Variants in DIAPH3 observed in about 807,000 individuals in gnomAD.
DIAPH3 encodes the protein protein diaphanous homolog 3.
DIAPH3 carries 117 observed loss-of-function variants against 144.3 expected under a neutral mutation model. That is an observed-to-expected ratio of 0.81 (90% confidence interval 0.70 to 0.95). The LOEUF is 0.95. Among genes scored for constraint, DIAPH3 ranks in the 40% least tolerant of loss-of-function variants. The probability of loss-of-function intolerance (pLI) is 0.00; values close to 1 mark genes in which losing one functional copy is unlikely to be tolerated. For synonymous variants in DIAPH3, 519 were observed against 488.9 expected (o/e 1.06, Z -0.81); for missense variants, 1,421 against 1,412.7 (o/e 1.01, Z -0.09).
chr13:60,043,190 A>G (rs1288452077), intron 4 of DIAPH3, among the ~76,000 whole-genome samples: 1 of 152,240 alleles, frequency 6.6e-6, no homozygotes, highest in Non-Finnish European at 1.5e-5. Flanking sequence ...TAGTATTCTG[A>G]GCAGTGTAGA....
chr13:59,969,141 G>A (rs1364286432), intron 17 of DIAPH3, among the ~76,000 whole-genome samples: 2 of 152,120 alleles, frequency 1.3e-5, no homozygotes, highest in South Asian at 2.1e-4. Context: ...GCAGGCCCAC[G>A]AAATTGGATG....
chr13:59,712,723 T>A (rs2034816514), intron 27 of DIAPH3, among the ~76,000 whole-genome samples: 1 of 152,156 alleles, frequency 6.6e-6, no homozygotes, highest in African/African-American at 2.4e-5. Context: ...CTACCACACT[T>A]ACAGTTACTT....
chr13:59,942,430 C>T (rs968805256), intron 17 of DIAPH3, among the ~76,000 whole-genome samples: 3 of 152,052 alleles, frequency 2.0e-5, no homozygotes, highest in Non-Finnish European at 4.4e-5. Flanking sequence ...TAATACACAT[C>T]AAAATATATA....
At chr13:59,816,983 G>A (rs1230946247) in intron 24 of DIAPH3, among the ~76,000 whole-genome samples, 2 of 151,730 alleles carry the variant, frequency 1.3e-5, no homozygotes, top group African/African-American at 4.8e-5. Context: ...TTTGACATAT[G>A]ACTTTTTAAA....
At chr13:59,822,456 T>C (rs1218512702) in intron 24 of DIAPH3, among the ~76,000 whole-genome samples, 2 of 152,074 alleles carry the variant, frequency 1.3e-5, no homozygotes, top group Non-Finnish European at 2.9e-5. Context: ...TTATTTTTTT[T>C]TGTGAGACGG....
At chr13:59,833,435 A>G (rs1451888482) in intron 23 of DIAPH3, among the ~76,000 whole-genome samples, 164 bp from the exon 24 acceptor site, 1 of 151,794 alleles carries the variant, frequency 6.6e-6, no homozygotes, top group East Asian at 1.9e-4. Context: ...TCTATACTAC[A>G]TAGCAACAAA....
At chr13:60,019,353 G>A (rs2141009993) in intron 5 of DIAPH3, among the ~76,000 whole-genome samples, 1 of 152,204 alleles carries the variant, frequency 6.6e-6, no homozygotes, top group East Asian at 1.9e-4. Context: ...GGATAAATAT[G>A]CACGTTTCTT....
chr13:60,161,373 A>C (rs993930229), intron 1 of DIAPH3, among the ~76,000 whole-genome samples: 2 of 152,172 alleles, frequency 1.3e-5, no homozygotes, highest in Non-Finnish European at 2.9e-5. Flanking sequence ...TCTCCATCCA[A>C]AAAACAAGAG....
intron 27 of DIAPH3, among the ~76,000 whole-genome samples, chr13:59,690,458 C>A (rs756630018): frequency 6.6e-6 from 1 of 152,122 alleles, no homozygotes; most frequent in Non-Finnish European, 1.5e-5. Context: ...CCCTAGACTG[C>A]ATTTTCTATA....
At chr13:59,693,759 G>T (rs2033656763) in intron 27 of DIAPH3, among the ~76,000 whole-genome samples, 1 of 152,108 alleles carries the variant, frequency 6.6e-6, no homozygotes, top group Non-Finnish European at 1.5e-5. Flanking sequence ...TTTCTTACTT[G>T]CAGAATAAAC....
intron 25 of DIAPH3, among the ~76,000 whole-genome samples, chr13:59,801,380 A>G (rs1221578736): frequency 2.0e-5 from 3 of 152,200 alleles, no homozygotes. Flanking sequence ...CAGTTTCCTA[A>G]AGCAGTGATC....
intron 9 of DIAPH3, among the ~76,000 whole-genome samples, chr13:59,994,747 A>C (rs991914280): frequency 6.6e-6 from 1 of 151,880 alleles, no homozygotes; most frequent in Non-Finnish European, 1.5e-5. Context: ...AGCAATTCAA[A>C]TTTTATGAGC....
At chr13:60,063,273 T>G (rs1444956938) in intron 4 of DIAPH3, among the ~76,000 whole-genome samples, 6 of 152,240 alleles carry the variant, frequency 3.9e-5, no homozygotes, top group Non-Finnish European at 8.8e-5. Context: ...ATCATAACAT[T>G]GCAGAAATTG....
In DIAPH3 at chr13:59,847,920, C is replaced by T. The variant is rs375878886; in HGVS notation, c.2738-8472G>A. 4.8e-4 allele frequency among the ~76,000 whole-genome samples: 73 copies of T among 152,292 alleles called. 1 individual carries two copies. Among genetic ancestry groups the T allele is most frequent in the African/African-American group, 1.7e-3 (70 of 41,556 alleles). ...CTTAATATTTAGCTGGCACCTTAAA[C>T]TCACTTTTCCAATTAGAATTTATCT... On this transcript the variant is annotated intron_variant, in intron 22 of 27. Transcript: ENST00000400324.
chr13:60,102,043 A>G (rs958428116), intron 3 of DIAPH3, among the ~76,000 whole-genome samples: 2 of 152,142 alleles, frequency 1.3e-5, no homozygotes, highest in African/African-American at 4.8e-5. Context: ...ATAAATTTCA[A>G]TTCCCTATAT....
intron 23 of DIAPH3, 90 bp downstream of exon 23, chr13:59,839,234 T>C (rs1384728163): frequency 1.0e-5 from 16 of 1,529,290 alleles, no homozygotes; most frequent in East Asian, 2.3e-5. Context: ...TACAGAATGA[T>C]CTCTGGTTAC....
At chr13:60,131,435 C>CAAAAA (rs777909368) in intron 2 of DIAPH3, among the ~76,000 whole-genome samples, 29 of 29,286 alleles carry the variant, frequency 9.9e-4, no homozygotes, top group Non-Finnish European at 1.5e-3. Context: ...GACCCTGTCT[C>CAAAAA]AAAAAAAAAA....
chr13:59,827,902 C>T (rs1392668821), intron 24 of DIAPH3, among the ~76,000 whole-genome samples: 1 of 151,978 alleles, frequency 6.6e-6, no homozygotes, highest in African/African-American at 2.4e-5. Context: ...TGAGGTTGCT[C>T]ACAAGATCCA....
intron 4 of DIAPH3, among the ~76,000 whole-genome samples, chr13:60,080,035 C>A (rs1347210364): frequency 6.6e-6 from 1 of 151,630 alleles, no homozygotes; most frequent in East Asian, 1.9e-4. Flanking sequence ...TTTCTGAAAC[C>A]ACAAAGTTAG....
Sources: allele counts gnomAD v4.1 joint callset (sites outside exome capture counted in the v4.1 genomes callset), GRCh38; gene constraint gnomAD v4.1.1; transcripts MANE v1.5; gene names NCBI Gene and HGNC (gene_info 2026-07-23, HGNC 2026-07-21).